EMG1: variants seen among roughly 807,000 people sequenced by gnomAD.
EMG1 encodes the protein ribosomal RNA small subunit methyltransferase NEP1.
EMG1 carries 24 observed loss-of-function variants against 26.9 expected under a neutral mutation model. The observed-to-expected ratio is 0.89, with a 90% CI of 0.65 to 1.26. The LOEUF is 1.26. Ranked by LOEUF, EMG1 falls within the 50% of genes most tolerant of loss-of-function variation. The probability of loss-of-function intolerance (pLI) is 0.00; values close to 1 mark genes in which losing one functional copy is unlikely to be tolerated. For missense variants in EMG1, 299 were observed against 307.6 expected, an observed-to-expected ratio of 0.97 and a Z score of 0.21; for synonymous variants, 140 against 112.6, an observed-to-expected ratio of 1.24 and a Z score of -1.54.
chr12:6,993,436 AAG>A (rs1231318824), intron 7 of EMG1, among the ~76,000 whole-genome samples: 1 of 152,052 alleles, frequency 6.6e-6, no homozygotes, highest in Non-Finnish European at 1.5e-5. Flanking sequence ...CCATCTCAAA[AAG>A]AAAAAAAAAA....
chr12:6,975,606 A>ACTAG, intron 5 of EMG1, 90 bp from the exon 6 acceptor site: 1 of 1,027,844 alleles, frequency 9.7e-7, no homozygotes, highest in Non-Finnish European at 1.5e-6. Context: ...CAGCTGAAAT[A>ACTAG]CTAGCTCAGC....
intron 3 of EMG1, 78 bp downstream of exon 3, chr12:6,974,771 T>C (rs1272027368): frequency 1.3e-6 from 2 of 1,496,234 alleles, no homozygotes; most frequent in Middle Eastern, 1.7e-4. Context: ...GAGAACTAAA[T>C]GTGGATTTTT....
intron 1 of EMG1, among the ~76,000 whole-genome samples, chr12:6,971,928 G>T (rs1337511018): frequency 6.6e-6 from 1 of 152,154 alleles, no homozygotes; most frequent in Non-Finnish European, 1.5e-5. Context: ...AATAGAACCA[G>T]CAGTTCTCTA....
chr12:6,971,364 C>G (rs782815548), intron 1 of EMG1, among the ~76,000 whole-genome samples: 14 of 151,288 alleles, frequency 9.3e-5, no homozygotes, highest in Non-Finnish European at 1.3e-4. Flanking sequence ...ACTTCTGCCT[C>G]CCGCCTTCAA....
chr12:6,990,006 C>A (rs1209708914), downstream of EMG1, among the ~76,000 whole-genome samples: 1 of 151,160 alleles, frequency 6.6e-6, no homozygotes, highest in Admixed American at 6.6e-5. Flanking sequence ...GACTCTGTCT[C>A]TACAAAAAAT....
rs1946425823 is a variant in EMG1, at chr12:6,977,855, C to T, written c.*2046C>T. ...TTGGATTGGAGTGCTGGTGGGTTCC[C>T]ACGTGTAGCCCCCAGAGGGTACAGG... On this transcript the variant is annotated 3_prime_UTR_variant, in exon 6 of 6. Coordinates refer to ENST00000599672, the MANE Select transcript of EMG1 (RefSeq NM_006331.8). This position sits in a 1 kb window ranked among gnomAD's most constrained non-coding sequence, Gnocchi z 4.5. 2.3e-6 allele frequency: 3 copies of T among 1,293,366 alleles called. No individual in the cohort carries two copies. Among genetic ancestry groups the T allele is most frequent in the Non-Finnish European group, 3.3e-6 (3 of 907,996 alleles). 80.1% of individuals were successfully genotyped at this position (1,293,366 alleles called of 1,614,324 possible). A position where few individuals can be genotyped will look rare whatever the true frequency, so the allele number is the denominator to read the frequency against.
rs1299650782 is a variant in EMG1, at chr12:6,979,886, T to C, written c.*4077T>C. 6.2e-6 allele frequency: 2 copies of C among 324,096 alleles called. No homozygotes were observed. The highest frequency in any genetic ancestry group is 1.6e-4 in the South Asian group (2 of 12,542). The allele number at this position is 324,096 out of a possible 1,614,324, so 20.1% of individuals were successfully genotyped here. A position where few individuals can be genotyped will look rare whatever the true frequency, so the allele number is the denominator to read the frequency against. ...GTCTTGCCAGGTCTCACAATCTCCA[T>C]TGGGACTGAAAACCCAGTGGAGGTA... On this transcript the variant is annotated 3_prime_UTR_variant, in exon 6 of 6. Coordinates refer to ENST00000599672, the MANE Select transcript of EMG1 (RefSeq NM_006331.8).
chr12:6,982,733 G>A, downstream of EMG1: 1 of 1,614,088 alleles, frequency 6.2e-7, no homozygotes, highest in Non-Finnish European at 8.5e-7. Flanking sequence ...TTAGTCGAAG[G>A]ATGAGGAACT....
At chr12:6,971,747 T>C (rs1555152311) in intron 1 of EMG1, among the ~76,000 whole-genome samples, 1 of 152,226 alleles carries the variant, frequency 6.6e-6, no homozygotes, top group East Asian at 1.9e-4. Context: ...GAAACGTAGT[T>C]ATGTAGCCTA....
At chr12:6,982,849 A>G (rs186120411), downstream of EMG1, 271 of 992,478 alleles carry the variant, frequency 2.7e-4, no homozygotes, top group African/African-American at 3.8e-3. Flanking sequence ...TTCCAATCAC[A>G]ACGTAATATA....
downstream of EMG1, chr12:6,982,696 T>C (rs367654948): frequency 1.6e-4 from 251 of 1,613,060 alleles, no homozygotes; most frequent in Non-Finnish European, 2.0e-4. Flanking sequence ...CAAAAGGTAG[T>C]GAGGACGGCA....
chr12:6,991,638 AAT>A (rs1946591120), downstream of EMG1, among the ~76,000 whole-genome samples: 2 of 152,184 alleles, frequency 1.3e-5, no homozygotes, highest in Non-Finnish European at 2.9e-5. Flanking sequence ...ACTGGCTACA[AAT>A]ATTGTCATTT....
chr12:6,987,727 A>C lies in EMG1; in HGVS notation c.*155-55A>C. On this transcript the variant is annotated intron_variant and NMD_transcript_variant, in intron 6 of 7. Transcript: ENST00000261406. The surrounding 1 kb of genome is among the most constrained non-coding windows in gnomAD (Gnocchi z 4.1). ...CATTTGGAATGCTCGAAATTAAAAA[A>C]CACCACACATATTACTCTGCCTCTT... 2.5e-6 allele frequency: 1 copy of C among 400,372 alleles called. No homozygotes were observed. 24.8% of individuals were successfully genotyped at this position (400,372 alleles called of 1,614,324 possible). A position where few individuals can be genotyped will look rare whatever the true frequency, so the allele number is the denominator to read the frequency against.
At chr12:6,975,490 G>A (rs1555153032) in intron 5 of EMG1, 112 bp downstream of exon 5, 3 of 1,227,416 alleles carry the variant, frequency 2.4e-6, no homozygotes, top group Non-Finnish European at 3.4e-6. Flanking sequence ...ACACATGACA[G>A]TTCCACACCC....
At chr12:6,984,800 GC>G (rs1555154595), downstream of EMG1, among the ~76,000 whole-genome samples, 1 of 152,084 alleles carries the variant, frequency 6.6e-6, no homozygotes, top group Non-Finnish European at 1.5e-5. Flanking sequence ...GCCCAGGCTG[GC>G]CTTGACCTCC....
intron 1 of EMG1, among the ~76,000 whole-genome samples, chr12:6,971,424 C>T (rs994981752): frequency 6.6e-6 from 1 of 151,990 alleles, no homozygotes; most frequent in Non-Finnish European, 1.5e-5. Flanking sequence ...CAGGCAGGTG[C>T]CACCACGCCC....
At chr12:6,986,763 C>T (rs1237991708) in intron 6 of EMG1, among the ~76,000 whole-genome samples, 1 of 142,210 alleles carries the variant, frequency 7.0e-6, no homozygotes, top group African/African-American at 2.6e-5. Flanking sequence ...AGCCACTGCA[C>T]TCCAGCCTGG....
In EMG1 at chr12:6,979,618, A is replaced by G. The variant is rs376496578; in HGVS notation, c.*3809A>G. The G allele has an allele frequency of 7.9e-6, 11 of 1,392,380 alleles. No individual in the cohort carries two copies. Among genetic ancestry groups the G allele is most frequent in the Non-Finnish European group, 1.1e-5 (11 of 978,458 alleles). The allele number at this position is 1,392,380 out of a possible 1,614,324, so 86.3% of individuals were successfully genotyped here. A position where few individuals can be genotyped will look rare whatever the true frequency, so the allele number is the denominator to read the frequency against. ...AGTGAAGTTCCTGGTCACAGAGAGC[A>G]GAGACTATTCCCTTCACCCTCTGAC... On this transcript the variant is annotated 3_prime_UTR_variant, in exon 6 of 6. Coordinates refer to ENST00000599672, the MANE Select transcript of EMG1 (RefSeq NM_006331.8).
chr12:6,981,969 A>G (rs782316963), downstream of EMG1: 46 of 871,080 alleles, frequency 5.3e-5, no homozygotes, highest in South Asian at 3.0e-4. Context: ...CTGAAATTCA[A>G]TGTTCTCTTT....
Sources: gnomAD v4.1 joint callset for allele counts (sites outside exome capture counted in the v4.1 genomes callset) on GRCh38, gnomAD v4.1.1 for gene constraint, Gnocchi (gnomAD v3.1) non-coding constraint, MANE v1.5 for transcripts, NCBI Gene and HGNC (gene_info 2026-07-23, HGNC 2026-07-21) for gene names.